Variants in S100B observed in about 807,000 individuals in gnomAD.
S100B encodes the protein protein S100-B.
A neutral mutation model predicts 7.7 loss-of-function variants in S100B; 6 were observed. That is an observed-to-expected ratio of 0.78 (90% confidence interval 0.43 to 1.54). S100B has a LOEUF of 1.54. Ranked by LOEUF, S100B falls within the 40% of genes most tolerant of loss-of-function variation. S100B has a pLI of 0.01. For synonymous variants in S100B, 36 were observed against 40.4 expected, an observed-to-expected ratio of 0.89 and a Z score of 0.41; for missense variants, 99 against 111.8, an observed-to-expected ratio of 0.89 and a Z score of 0.52.
intron 1 of S100B, among the ~76,000 whole-genome samples, chr21:46,604,806 G>C (rs570424061): frequency 6.6e-6 from 1 of 152,162 alleles, no homozygotes; most frequent in East Asian, 1.9e-4. Flanking sequence ...ACCTCTAGCT[G>C]TCTAGGGCTG....
intron 2 of S100B, among the ~76,000 whole-genome samples, chr21:46,600,528 G>A (rs923564745): frequency 1.3e-5 from 2 of 152,182 alleles, no homozygotes; most frequent in African/African-American, 4.8e-5. Flanking sequence ...CTGGGTGACT[G>A]AGCAAGACCT....
chr21:46,599,372 T>G lies in S100B; in HGVS notation c.270A>C (p.Glu90Asp), dbSNP rs751482009. 1 of 1,613,852 alleles carries G rather than the reference T, an allele frequency of 6.2e-7. No individual in the cohort carries two copies. The highest frequency in any genetic ancestry group is 2.2e-5 in the East Asian group (1 of 44,888). ...MVTTACHEFF[E>D]HE ...TGGCTGCTTTCTAATCTCACTCATG[T>G]TCAAAGAACTCGTGGCAGGCAGTAG... The change falls in exon 3 of 3, where the codon GAA becomes GAC. Residue 90 changes from glutamate to aspartate, a missense_variant. Glu to Asp is a conservative substitution (Grantham distance 45). Coordinates refer to ENST00000291700, the MANE Select transcript of S100B (RefSeq NM_006272.3).
At chr21:46,603,398 T>TGGGGGGAGGGGGGGGGCGGGGGGGGGGG in intron 1 of S100B, among the ~76,000 whole-genome samples, 5 of 52,124 alleles carry the variant, frequency 9.6e-5, no homozygotes, top group South Asian at 1.0e-3. Flanking sequence ...CGGGAGGGGG[T>TGGGGGGAGGGGGGGGGCGGGGGGGGGGG]GGGGGCAGGA....
chr21:46,602,120 C>T lies in S100B; in HGVS notation c.138+158G>A, dbSNP rs2839355. Reference sequence around the variant, plus strand: ...GGGGCTCATTTGAGCCAGCCCCACACTGAGGGTTCCGTTACTCAAACAAGT... The same window carrying T: ...GGGGCTCATTTGAGCCAGCCCCACATTGAGGGTTCCGTTACTCAAACAAGT... On this transcript the variant is annotated intron_variant, in intron 2 of 2. Coordinates refer to ENST00000291700, the MANE Select transcript of S100B (RefSeq NM_006272.3). Among the ~76,000 whole-genome samples, 41,421 of 152,054 alleles carry T rather than the reference C, an allele frequency of 0.27. 6,003 individuals are homozygous for T. Among genetic ancestry groups the T allele is most frequent in the African/African-American group, 0.36 (14,928 of 41,470 alleles).
intron 1 of S100B, among the ~76,000 whole-genome samples, chr21:46,604,403 G>A (rs1211404593): frequency 1.3e-5 from 2 of 152,078 alleles, no homozygotes; most frequent in Non-Finnish European, 1.5e-5. Context: ...GAAGGGGTTC[G>A]ACCTCCCTGA....
At chr21:46,602,664 A>G (rs2061044978) in intron 1 of S100B, 2 of 397,514 alleles carry the variant, frequency 5.0e-6, no homozygotes, top group Non-Finnish European at 9.0e-6. Context: ...ACGGGGATAT[A>G]TTCCCATGCC....
At position 46,598,827 on chromosome 21, in the gene S100B, G is replaced by GCGTT. The variant is rs1344135779; in HGVS notation, c.*532_*535dup. On this transcript the variant is annotated 3_prime_UTR_variant, in exon 3 of 3. Transcript: ENST00000291700. ...TTTCCAGGAGCGCTGCCAGCGCTGA[G>GCGTT]CGTTCACCTGGTGATCAGGCGCATC... 2 of 153,188 alleles carry GCGTT rather than the reference G, an allele frequency of 1.3e-5. No homozygotes were observed. The highest frequency in any genetic ancestry group is 4.8e-5 in the African/African-American group (2 of 41,472). The allele number at this position is 153,188 out of a possible 1,614,324, so 9.5% of individuals were successfully genotyped here. A position where few individuals can be genotyped will look rare whatever the true frequency, so the allele number is the denominator to read the frequency against.
At chr21:46,599,803 T>G (rs2148943683) in intron 2 of S100B, among the ~76,000 whole-genome samples, 1 of 152,168 alleles carries the variant, frequency 6.6e-6, no homozygotes, top group East Asian at 1.9e-4. Context: ...ACCATCTAGA[T>G]CAGCCTGAGC....
At chr21:46,601,897 C>A (rs2061042305) in intron 2 of S100B, among the ~76,000 whole-genome samples, 1 of 152,250 alleles carries the variant, frequency 6.6e-6, no homozygotes. Flanking sequence ...ATCTCCATAG[C>A]AAATACTAAA....
chr21:46,602,279 T>C lies in S100B; in HGVS notation c.137A>G (p.Glu46Gly), dbSNP rs773557803. ...LINNELSHFL[E>G]EIKEQEVVDK... is the part of the protein sequence containing the mutation. ...TCAAGTTTAAAAAGCAAGACTCACC[T>C]CTAAGAAATGGGAAAGCTCATTGTT... The change falls in exon 2 of 3, where the codon GAG becomes GGG. Residue 46 changes from glutamate (E) to glycine (G), a missense_variant and splice_region_variant. By Grantham distance (98) the Glu-to-Gly change is moderately conservative (BLOSUM62 -2). Coordinates refer to ENST00000291700, the MANE Select transcript of S100B (RefSeq NM_006272.3). 2 of 1,613,138 alleles carry C rather than the reference T, an allele frequency of 1.2e-6. No homozygotes were observed. The highest frequency in any genetic ancestry group is 1.7e-6 in the Non-Finnish European group (2 of 1,179,498).
chr21:46,603,540 C>T (rs1362098172), intron 1 of S100B, among the ~76,000 whole-genome samples: 2 of 152,140 alleles, frequency 1.3e-5, no homozygotes, highest in Non-Finnish European at 2.9e-5. Flanking sequence ...ACAAAGGTTG[C>T]CTTGTCAGTT....
In S100B at chr21:46,599,357, C is replaced by G. The variant is rs766536366; in HGVS notation, c.*6G>C. ...GTTACAGGAAAGGTTTGGCTGCTTT[C>G]TAATCTCACTCATGTTCAAAGAACT... is the stretch of plus-strand genomic sequence containing the variant. On this transcript the variant is annotated 3_prime_UTR_variant, in exon 3 of 3. Transcript: ENST00000291700. 6.2e-7 allele frequency: 1 copy of G among 1,613,246 alleles called. No homozygotes were observed. Among genetic ancestry groups the G allele is most frequent in the East Asian group, 2.2e-5 (1 of 44,878 alleles).
intron 1 of S100B, among the ~76,000 whole-genome samples, chr21:46,603,392 A>AGGGGGTGGGGGCGGGGG (rs2061047783): frequency 2.6e-5 from 1 of 38,206 alleles, no homozygotes; most frequent in Non-Finnish European, 4.9e-5. Flanking sequence ...GGACGGCGGG[A>AGGGGGTGGGGGCGGGGG]GGGGGTGGGG....
chr21:46,603,381 G>C (rs1286883890), intron 1 of S100B, among the ~76,000 whole-genome samples: 1 of 141,702 alleles, frequency 7.1e-6, no homozygotes, highest in African/African-American at 2.5e-5. Flanking sequence ...TGCAGTGACT[G>C]GGACGGCGGG....
intron 1 of S100B, among the ~76,000 whole-genome samples, chr21:46,604,590 A>G (rs1476040625): frequency 6.6e-6 from 1 of 152,220 alleles, no homozygotes; most frequent in African/African-American, 2.4e-5. Context: ...GGTGGAAGAA[A>G]TATAAGGAGA....
chr21:46,599,330 C>G lies in S100B; in HGVS notation c.*33G>C. On this transcript the variant is annotated 3_prime_UTR_variant, in exon 3 of 3. Coordinates refer to ENST00000291700, the MANE Select transcript of S100B (RefSeq NM_006272.3). ...TGTCTGCTTTCTTGCATGACCGTCT[C>G]TGTTACAGGAAAGGTTTGGCTGCTT... 6.2e-7 allele frequency: 1 copy of G among 1,606,970 alleles called. No individual in the cohort carries two copies.
At chr21:46,599,870 T>C (rs1428489292) in intron 2 of S100B, among the ~76,000 whole-genome samples, 1 of 152,228 alleles carries the variant, frequency 6.6e-6, no homozygotes, top group Non-Finnish European at 1.5e-5. Flanking sequence ...GTGTGTTCTG[T>C]GTGTGGAAGT....
intron 1 of S100B, among the ~76,000 whole-genome samples, chr21:46,603,367 TCA>T (rs2061047019): frequency 2.2e-4 from 1 of 4,516 alleles, no homozygotes; most frequent in Admixed American, 3.4e-3. Flanking sequence ...GGTGGCTCAT[TCA>T]CTGCAGTGAC....
intron 2 of S100B, among the ~76,000 whole-genome samples, chr21:46,600,111 C>T (rs893989259): frequency 1.3e-5 from 2 of 152,210 alleles, no homozygotes; most frequent in Non-Finnish European, 2.9e-5. Flanking sequence ...AACCACAGTG[C>T]AGGGCTACAA....
Sources: allele counts gnomAD v4.1 joint callset (sites outside exome capture counted in the v4.1 genomes callset), GRCh38; gene constraint gnomAD v4.1.1; transcripts MANE v1.5; gene names NCBI Gene and HGNC (gene_info 2026-07-23, HGNC 2026-07-21).